Variants in PCDHGA6 observed in about 807,000 individuals in gnomAD.
The protein encoded by PCDHGA6 is protocadherin gamma-A6.
A neutral mutation model predicts 60.6 loss-of-function variants in PCDHGA6; 41 were observed. That is an observed-to-expected ratio of 0.68 (90% CI 0.53 to 0.88). The LOEUF is 0.88. Among genes scored for constraint, PCDHGA6 ranks in the 40% least tolerant of loss-of-function variants. The pLI is 0.00. For missense variants in PCDHGA6, 1,312 were observed against 1,203.0 expected, an observed-to-expected ratio of 1.09 and a Z score of -1.34; for synonymous variants, 594 against 524.4, an observed-to-expected ratio of 1.13 and a Z score of -1.81.
intron 1 of PCDHGA6, chr5:141,379,057 T>C (rs974258347): frequency 2.0e-5 from 3 of 152,238 alleles, no homozygotes; most frequent in African/African-American, 7.2e-5. Flanking sequence ...TAGAATGGAT[T>C]GGCCACTTGT....
chr5:141,378,581 G>A (rs17524659), intron 1 of PCDHGA6: 5,512 of 152,208 alleles, frequency 0.036, 128 homozygotes, highest in South Asian at 0.08. Flanking sequence ...AAACATGCTC[G>A]GTAGTGTCTG....
In PCDHGA6 at chr5:141,422,020, G is replaced by T. The variant is rs374562798; in HGVS notation, c.2424+45513G>T. The T allele has an allele frequency of 1.3e-5, 21 of 1,610,932 alleles. No individual in the cohort carries two copies. The East Asian group carries it at 3.8e-4, about 29-fold the overall frequency. On this transcript the variant is annotated intron_variant, in intron 1 of 3. Transcript: ENST00000517434. ...CAGCTCCGGAACTCGGGTGCTGATG[G>T]TTAATGCAACGGATCCAGACGAGGG...
In PCDHGA6 at chr5:141,433,040, A is replaced by ACGGACT. The variant is rs753119003; in HGVS notation, c.2424+56536_2424+56541dup. The ACGGACT allele has an allele frequency of 8.1e-6, 13 of 1,614,088 alleles. No homozygotes were observed. In the African/African-American group the frequency reaches 1.7e-4, roughly 22 times the overall value. On this transcript the variant is annotated intron_variant, in intron 1 of 3. Transcript: ENST00000517434. ...CTATTCCCACGAGGTTTCCCTCACC[A>ACGGACT]CGGACTCGCGGAAGAGTCACCTGAT...
intron 1 of PCDHGA6, chr5:141,409,997 G>C: frequency 1.2e-6 from 2 of 1,613,224 alleles, no homozygotes; most frequent in South Asian, 2.2e-5. Context: ...CGCCGACTCG[G>C]GACACAACGC....
Position 141,400,130 on chromosome 5 carries a change from T to C in PCDHGA6, c.2424+23623T>C, listed in dbSNP as rs369250985. On this transcript the variant is annotated intron_variant, in intron 1 of 3. Transcript: ENST00000517434. ...TTTGCTGACAGCTTGCAGGAGGTGC[T>C]GCCGGATATCACTGACCGCCCTGTA... is the stretch of plus-strand genomic sequence containing the variant. The C allele has an allele frequency of 1.9e-6, 3 of 1,613,954 alleles. No individual in the cohort carries two copies. The African/African-American group carries it at 4.0e-5, about 22-fold the overall frequency.
chr5:141,391,648 C>T (rs760508987), intron 1 of PCDHGA6: 4 of 152,210 alleles, frequency 2.6e-5, no homozygotes, highest in Non-Finnish European at 5.9e-5. Context: ...AAAAAACTAT[C>T]ATACCAGTCT....
chr5:141,413,024 C>A, intron 1 of PCDHGA6: 2 of 736,250 alleles, frequency 2.7e-6, no homozygotes, highest in Non-Finnish European at 4.2e-6. Flanking sequence ...ACAAGCCCCA[C>A]AAACCGGCTG....
At chr5:141,454,993 T>C (rs2098809479) in intron 1 of PCDHGA6, among the ~76,000 whole-genome samples, 1 of 151,290 alleles carries the variant, frequency 6.6e-6, no homozygotes, top group Non-Finnish European at 1.5e-5. Context: ...AAAATATTTT[T>C]AGTAGAGACG....
intron 2 of PCDHGA6, among the ~76,000 whole-genome samples, chr5:141,502,517 G>A (rs1333510345): frequency 1.3e-5 from 2 of 152,128 alleles, no homozygotes; most frequent in Admixed American, 6.6e-5. Flanking sequence ...CCCACTATCA[G>A]TGATGCCGAG....
intron 1 of PCDHGA6, chr5:141,402,801 G>T (rs1218765657): frequency 1.2e-5 from 13 of 1,078,506 alleles, no homozygotes; most frequent in Non-Finnish European, 1.7e-5. Context: ...CACAAAACCC[G>T]GCAGATACCA....
rs2096175268 is a variant in PCDHGA6, at chr5:141,417,870, G to A, written c.2424+41363G>A. On this transcript the variant is annotated intron_variant, in intron 1 of 3. Transcript: ENST00000517434. ...GAACCCGAGCGAACGATGGGAGGGA[G>A]CTGCGCGCAGAGGCGCCGGGCCGGC... 3 of 1,553,910 alleles carry A rather than the reference G, an allele frequency of 1.9e-6. No homozygotes were observed. Among genetic ancestry groups the A allele is most frequent in the Admixed American group, 2.0e-5 (1 of 51,084 alleles).
intron 1 of PCDHGA6, chr5:141,383,187 C>CGGGAAGA: frequency 6.2e-7 from 1 of 1,614,076 alleles, no homozygotes; most frequent in Non-Finnish European, 8.5e-7. Context: ...AAGAGATCTG[C>CGGGAAGA]GCTCAGAGTG....
Position 141,385,517 on chromosome 5 carries a change from T to G in PCDHGA6, c.2424+9010T>G, listed in dbSNP as rs887255170. 4.4e-6 allele frequency: 6 copies of G among 1,367,514 alleles called. No individual in the cohort carries two copies. In the Admixed American group the frequency reaches 2.0e-4, roughly 47 times the overall value. The allele number at this position is 1,367,514 out of a possible 1,614,324, so 84.7% of individuals were successfully genotyped here. A position where few individuals can be genotyped will look rare whatever the true frequency, so the allele number is the denominator to read the frequency against. The stretch of plus-strand genomic sequence containing the variant: ...ATATAGTATTTCTTTAGTGAAAGCC[T>G]ATGGACAAGATTATGAATATGTGGA... On this transcript the variant is annotated intron_variant, in intron 1 of 3. Transcript: ENST00000517434.
intron 1 of PCDHGA6, chr5:141,393,124 T>A: frequency 6.2e-7 from 1 of 1,613,430 alleles, no homozygotes; most frequent in Non-Finnish European, 8.5e-7. Flanking sequence ...CGGTGTCTGA[T>A]AAATATTAAC....
Position 141,375,262 on chromosome 5 carries a change from A to C in PCDHGA6, c.1179A>C (p.Glu393Asp), listed in dbSNP as rs781354981. The C allele has an allele frequency of 3.1e-6, 5 of 1,613,914 alleles. No individual in the cohort carries two copies. In the South Asian group the frequency reaches 5.5e-5, roughly 18 times the overall value. The change falls in exon 1 of 4, where the codon GAA (glutamate) becomes GAC (aspartate). Residue 393 changes from glutamate to aspartate, a missense_variant. By Grantham distance (45) the Glu-to-Asp change is conservative. Coordinates refer to ENST00000517434, the MANE Select transcript of PCDHGA6 (RefSeq NM_018919.3). Reference sequence around the variant, plus strand: ...CCATCCCGAGAAGTCTCCCATTTGAATTGGAAAAATCAGTTGGCAATTATT... The same window carrying C: ...CCATCCCGAGAAGTCTCCCATTTGACTTGGAAAAATCAGTTGGCAATTATT... ...TCSIPRSLPF[E>D]LEKSVGNYYR...
rs1023379892 is a variant in PCDHGA6 at position 141,475,927 on chromosome 5, G to T, written c.2425-18880G>T. 1.3e-4 allele frequency: 80 copies of T among 628,362 alleles called. No individual in the cohort carries two copies. In the African/African-American group the frequency reaches 1.4e-3, roughly 11 times the overall value. The allele number at this position is 628,362 out of a possible 1,614,324, so 38.9% of individuals were successfully genotyped here. ...CGGCCAATGAAGACGCTGGAGATCG[G>T]GCCCCTGCCCGTCCCCTTTCTGCGC... On this transcript the variant is annotated intron_variant, in intron 1 of 3. Coordinates refer to ENST00000517434, the MANE Select transcript of PCDHGA6 (RefSeq NM_018919.3).
rs775204388 is a variant in PCDHGA6, at chr5:141,490,235, G to T, written c.2425-4572G>T. On this transcript the variant is annotated intron_variant, in intron 1 of 3. Transcript: ENST00000517434. This position sits in a 1 kb window ranked among gnomAD's most constrained non-coding sequence, Gnocchi z 5.4. ...GACCAGGGACAGCCTGCCATGGAGG[G>T]CCACTGTGTGATTCAAGTGGATGTG... 1 of 1,614,228 alleles carries T rather than the reference G, an allele frequency of 6.2e-7. No homozygotes were observed. The highest frequency in any genetic ancestry group is 1.1e-5 in the South Asian group (1 of 91,084).
chr5:141,433,623 G>A (rs2097635547), intron 1 of PCDHGA6, among the ~76,000 whole-genome samples: 1 of 152,070 alleles, frequency 6.6e-6, no homozygotes, highest in African/African-American at 2.4e-5. Flanking sequence ...ATCACCTGAG[G>A]TTGGGAGTTT....
Position 141,476,977 on chromosome 5 carries a change from C to A in PCDHGA6, c.2425-17830C>A, listed in dbSNP as rs141692339. On this transcript the variant is annotated intron_variant, in intron 1 of 3. Coordinates refer to ENST00000517434, the MANE Select transcript of PCDHGA6 (RefSeq NM_018919.3). The surrounding 1 kb of genome is among the most constrained non-coding windows in gnomAD (Gnocchi z 7.6). The stretch of plus-strand genomic sequence containing the variant: ...TTATTTACTCCTTCGGCAGCCACAA[C>A]CGCGCCGGCGTGCGGCAACTATTCG... 6.2e-7 allele frequency: 1 copy of A among 1,614,232 alleles called. No individual in the cohort carries two copies. The highest frequency in any genetic ancestry group is 8.5e-7 in the Non-Finnish European group (1 of 1,180,040).
Sources: allele counts gnomAD v4.1 joint callset (sites outside exome capture counted in the v4.1 genomes callset), GRCh38; gene constraint gnomAD v4.1.1; non-coding constraint Gnocchi (gnomAD v3.1); transcripts MANE v1.5; gene names NCBI Gene and HGNC (gene_info 2026-07-23, HGNC 2026-07-21).